CCSER1: variants seen among roughly 807,000 people sequenced by gnomAD.
CCSER1 encodes the protein serine-rich coiled-coil domain-containing protein 1.
Under a neutral mutation model 82.0 loss-of-function variants are expected in CCSER1, and 41 were observed. The ratio of observed to expected loss-of-function variants is 0.50; its 90% CI spans 0.39 to 0.65. The LOEUF is 0.65. Ranked by LOEUF, CCSER1 falls within the 30% of genes least tolerant of loss-of-function variation. The pLI, the probability that CCSER1 is intolerant of heterozygous loss-of-function variation, is 0.00. For missense variants in CCSER1, 1,119 were observed against 1,064.2 expected (o/e 1.05, Z -0.72); for synonymous variants, 414 against 383.9 (o/e 1.08, Z -0.92).
At position 90,302,914 on chromosome 4, in the gene CCSER1, G is replaced by A. The variant is rs1176078087; in HGVS notation, c.-41-5330G>A. On this transcript the variant is annotated intron_variant, in intron 1 of 10. Coordinates refer to ENST00000509176, the MANE Select transcript of CCSER1 (RefSeq NM_001145065.2). ...AAGCGGAGCATGAAGTGTGACGAGA[G>A]GACTAATGAATCTGGAGATGTAGAC... Among the ~76,000 whole-genome samples the A allele has an allele frequency of 2.0e-5, 3 of 152,214 alleles. No individual in the cohort carries two copies. In the East Asian group the frequency reaches 5.8e-4, roughly 29 times the overall value.
intron 1 of CCSER1, among the ~76,000 whole-genome samples, chr4:90,135,277 G>T (rs546605903): frequency 2.6e-4 from 39 of 151,812 alleles, no homozygotes; most frequent in Non-Finnish European, 5.7e-4. Flanking sequence ...TTAATATTTT[G>T]CCCTGTATCT....
At chr4:90,517,173 A>C (rs1018440413) in intron 5 of CCSER1, among the ~76,000 whole-genome samples, 6 of 152,114 alleles carry the variant, frequency 3.9e-5, no homozygotes, top group African/African-American at 1.2e-4. Flanking sequence ...TTTTATAATA[A>C]AGTTTGAGTA....
intron 3 of CCSER1, among the ~76,000 whole-genome samples, chr4:90,344,795 A>G (rs1171594891): frequency 1.3e-5 from 2 of 152,140 alleles, no homozygotes; most frequent in Admixed American, 6.5e-5. Flanking sequence ...GAATGAATGT[A>G]TGTGTGAATT....
chr4:90,920,071 A>G (rs1463853505), intron 8 of CCSER1, among the ~76,000 whole-genome samples: 2 of 151,900 alleles, frequency 1.3e-5, no homozygotes, highest in East Asian at 1.9e-4. Context: ...GATTAGAAGA[A>G]GGAATGACAA....
At chr4:91,163,246 T>C (rs892288446) in intron 10 of CCSER1, among the ~76,000 whole-genome samples, 3 of 152,210 alleles carry the variant, frequency 2.0e-5, no homozygotes. Flanking sequence ...TGGTTTTGAG[T>C]GAGTTTCTTA....
At chr4:90,153,762 A>G (rs1290977850) in intron 1 of CCSER1, among the ~76,000 whole-genome samples, 1 of 151,966 alleles carries the variant, frequency 6.6e-6, no homozygotes, top group Non-Finnish European at 1.5e-5. Context: ...GTTTGAGTTC[A>G]TTGTAGATTC....
intron 10 of CCSER1, among the ~76,000 whole-genome samples, chr4:91,529,016 A>C (rs1760901455): frequency 6.6e-6 from 1 of 152,146 alleles, no homozygotes; most frequent in African/African-American, 2.4e-5. Context: ...GTTACTAATT[A>C]AAATGTGACC....
At chr4:91,313,201 CTT>C (rs1745609331) in intron 10 of CCSER1, among the ~76,000 whole-genome samples, 1 of 151,820 alleles carries the variant, frequency 6.6e-6, no homozygotes, top group South Asian at 2.1e-4. Flanking sequence ...TCTATGCTAA[CTT>C]ATAAATTCAA....
intron 1 of CCSER1, among the ~76,000 whole-genome samples, chr4:90,154,574 C>G (rs1298155920): frequency 1.3e-5 from 2 of 148,606 alleles, no homozygotes; most frequent in African/African-American, 2.5e-5. Flanking sequence ...GTTTGTAGTT[C>G]TCCTTGAAGA....
chr4:90,581,581 C>T (rs891914257), intron 5 of CCSER1, among the ~76,000 whole-genome samples: 3 of 151,926 alleles, frequency 2.0e-5, no homozygotes, highest in African/African-American at 7.3e-5. Flanking sequence ...TAATTAGCAC[C>T]TAAATTGTCA....
chr4:90,518,181 T>C (rs898367246), intron 5 of CCSER1, among the ~76,000 whole-genome samples: 1 of 152,088 alleles, frequency 6.6e-6, no homozygotes, highest in Non-Finnish European at 1.5e-5. Flanking sequence ...AATTTTAAAA[T>C]AAATTTTTCC....
At chr4:91,116,611 A>G (rs1460115902) in intron 10 of CCSER1, among the ~76,000 whole-genome samples, 1 of 152,224 alleles carries the variant, frequency 6.6e-6, no homozygotes, top group East Asian at 1.9e-4. Flanking sequence ...TAGAACATAC[A>G]TAACATTTTG....
intron 7 of CCSER1, among the ~76,000 whole-genome samples, chr4:90,803,007 A>C (rs1235701896): frequency 1.3e-5 from 2 of 152,026 alleles, no homozygotes; most frequent in African/African-American, 2.4e-5. Flanking sequence ...AAGAATAAGG[A>C]AACAGCTTGT....
chr4:90,198,189 G>A (rs2153402438), intron 1 of CCSER1, among the ~76,000 whole-genome samples: 1 of 152,230 alleles, frequency 6.6e-6, no homozygotes, highest in South Asian at 2.1e-4. Context: ...CTCAACCTTT[G>A]TTCCTTCTTC....
chr4:91,510,586 G>A (rs977851443), intron 10 of CCSER1, among the ~76,000 whole-genome samples: 1 of 152,114 alleles, frequency 6.6e-6, no homozygotes, highest in Non-Finnish European at 1.5e-5. Flanking sequence ...GACGAGTGAT[G>A]TTGAGAATTT....
At chr4:90,985,461 A>T (rs952830845) in intron 9 of CCSER1, among the ~76,000 whole-genome samples, 1 of 151,776 alleles carries the variant, frequency 6.6e-6, no homozygotes, top group African/African-American at 2.4e-5. Flanking sequence ...TACTTTCTTA[A>T]AATCACACAG....
rs534394150 is a variant in CCSER1, at chr4:91,432,600, A to T, written c.2218-165972A>T. ...TTTTATTAACTGGTAGGTGAAAAAA[A>T]TATCTCTATGTAGATTTATTTGCAC... is the stretch of plus-strand genomic sequence containing the variant. On this transcript the variant is annotated intron_variant, in intron 10 of 10. Transcript: ENST00000509176. Among the ~76,000 whole-genome samples, 546 of 152,258 alleles carry T rather than the reference A, an allele frequency of 3.6e-3. 2 individuals carry two copies. Among genetic ancestry groups the T allele is most frequent in the African/African-American group, 0.012 (503 of 41,568 alleles).
chr4:91,034,622 A>C (rs1741276992), intron 9 of CCSER1, among the ~76,000 whole-genome samples: 1 of 152,160 alleles, frequency 6.6e-6, no homozygotes, highest in African/African-American at 2.4e-5. Flanking sequence ...TGGCCATGGA[A>C]TATCAGAATA....
At chr4:90,256,518 A>G (rs753669537) in intron 1 of CCSER1, among the ~76,000 whole-genome samples, 19 of 152,166 alleles carry the variant, frequency 1.2e-4, no homozygotes, top group Non-Finnish European at 2.5e-4. Flanking sequence ...TTTCCCTGTC[A>G]TATTCTAAAA....
Sources: allele counts gnomAD v4.1 joint callset (sites outside exome capture counted in the v4.1 genomes callset), GRCh38; gene constraint gnomAD v4.1.1; transcripts MANE v1.5; gene names NCBI Gene and HGNC (gene_info 2026-07-23, HGNC 2026-07-21).